Variants in GPR158 observed in about 807,000 individuals in gnomAD.
GPR158 encodes the protein metabotropic glycine receptor.
In GPR158, 30 loss-of-function variants were observed where a neutral mutation model predicts 78.2. That is an observed-to-expected ratio of 0.38 (90% confidence interval 0.29 to 0.52). The LOEUF is 0.52. Among genes scored for constraint, GPR158 ranks in the 20% least tolerant of loss-of-function variants. The pLI, the probability that GPR158 is intolerant of heterozygous loss-of-function variation, is 0.83. For missense variants in GPR158, 1,463 were observed against 1,523.5 expected (o/e 0.96, Z 0.66); for synonymous variants, 581 against 591.1 (o/e 0.98, Z 0.25).
intron 2 of GPR158, among the ~76,000 whole-genome samples, chr10:25,364,552 C>T (rs1295750497): frequency 6.6e-6 from 1 of 151,832 alleles, no homozygotes; most frequent in Non-Finnish European, 1.5e-5. Context: ...CTCTTTAATG[C>T]TAATGCTGAT....
chr10:25,579,631 A>G (rs1588921801), intron 7 of GPR158, among the ~76,000 whole-genome samples: 1 of 152,194 alleles, frequency 6.6e-6, no homozygotes, highest in East Asian at 1.9e-4. Context: ...AAACAACAAG[A>G]CCGCAAAAAA....
intron 2 of GPR158, among the ~76,000 whole-genome samples, chr10:25,246,550 T>A (rs1339668022): frequency 6.6e-6 from 1 of 152,212 alleles, no homozygotes; most frequent in Non-Finnish European, 1.5e-5. Context: ...TAAAAGCTGA[T>A]GAGCTGAGCA....
intron 6 of GPR158, among the ~76,000 whole-genome samples, chr10:25,554,271 C>T (rs1325623225): frequency 2.0e-5 from 3 of 152,146 alleles, no homozygotes; most frequent in African/African-American, 7.2e-5. Context: ...CCATACCTCT[C>T]TAGGCAGAAA....
intron 4 of GPR158, among the ~76,000 whole-genome samples, chr10:25,414,067 ATAATG>A (rs1834628946): frequency 6.6e-6 from 1 of 152,204 alleles, no homozygotes. Context: ...TCTCTCTGAT[ATAATG>A]TAATTAATTT....
intron 7 of GPR158, among the ~76,000 whole-genome samples, chr10:25,582,709 C>T (rs1410791683): frequency 1.3e-5 from 2 of 152,140 alleles, no homozygotes; most frequent in Admixed American, 6.5e-5. Flanking sequence ...ATTGTTACTC[C>T]TGCCTTTTTA....
chr10:25,419,316 A>G (rs1834712966), intron 4 of GPR158, among the ~76,000 whole-genome samples: 1 of 152,178 alleles, frequency 6.6e-6, no homozygotes, highest in African/African-American at 2.4e-5. Flanking sequence ...ATGGTACCAT[A>G]TATTATAACC....
At chr10:25,382,522 C>G (rs558732220) in intron 2 of GPR158, among the ~76,000 whole-genome samples, 1 of 152,198 alleles carries the variant, frequency 6.6e-6, no homozygotes, top group African/African-American at 2.4e-5. Flanking sequence ...TGGGTTCTGA[C>G]AGCTGCTGAA....
chr10:25,451,937 C>G (rs1467734080), intron 4 of GPR158, among the ~76,000 whole-genome samples: 2 of 152,184 alleles, frequency 1.3e-5, no homozygotes, highest in African/African-American at 2.4e-5. Flanking sequence ...GGATATACTT[C>G]TAGGTCCCCG....
At chr10:25,526,972 A>G (rs529975171) in intron 5 of GPR158, among the ~76,000 whole-genome samples, 1 of 152,364 alleles carries the variant, frequency 6.6e-6, no homozygotes, top group African/African-American at 2.4e-5. Flanking sequence ...TACAGTCATA[A>G]GAAAATTGGA....
intron 4 of GPR158, among the ~76,000 whole-genome samples, chr10:25,418,105 G>A (rs1437647188): frequency 3.9e-5 from 6 of 152,094 alleles, no homozygotes; most frequent in African/African-American, 1.4e-4. Flanking sequence ...ATATGTGTAG[G>A]GGTAATAGAG....
At chr10:25,214,602 G>A (rs915009622) in intron 1 of GPR158, among the ~76,000 whole-genome samples, 1 of 151,924 alleles carries the variant, frequency 6.6e-6, no homozygotes. Context: ...TATGAATTGT[G>A]TTCTCCAAAA....
At chr10:25,539,476 A>G (rs1172583664) in intron 5 of GPR158, among the ~76,000 whole-genome samples, 1 of 151,330 alleles carries the variant, frequency 6.6e-6, no homozygotes, top group Non-Finnish European at 1.5e-5. Context: ...GACTTTGGGA[A>G]CTTGTCCTCT....
intron 2 of GPR158, among the ~76,000 whole-genome samples, chr10:25,372,172 TG>T (rs1834004706): frequency 6.6e-6 from 1 of 151,830 alleles, no homozygotes; most frequent in Non-Finnish European, 1.5e-5. Flanking sequence ...CATCTCATAC[TG>T]GTTAGAATGG....
chr10:25,250,771 GA>G (rs1564402197), intron 2 of GPR158, among the ~76,000 whole-genome samples: 1 of 143,456 alleles, frequency 7.0e-6, no homozygotes, highest in African/African-American at 2.7e-5. Context: ...GTGTGGTGCT[GA>G]AAAAAATGTA....
intron 2 of GPR158, among the ~76,000 whole-genome samples, chr10:25,366,553 T>C (rs977556382): frequency 4.6e-5 from 7 of 151,738 alleles, no homozygotes; most frequent in African/African-American, 1.7e-4. Flanking sequence ...CTCACGTATA[T>C]ATCATTTTTG....
At chr10:25,501,267 C>T (rs1478802607) in intron 5 of GPR158, among the ~76,000 whole-genome samples, 1 of 152,128 alleles carries the variant, frequency 6.6e-6, no homozygotes, top group Non-Finnish European at 1.5e-5. Context: ...CAGTCTCACT[C>T]GGGGCATGGC....
At chr10:25,456,928 G>T (rs1029354425) in intron 4 of GPR158, among the ~76,000 whole-genome samples, 5 of 151,702 alleles carry the variant, frequency 3.3e-5, no homozygotes, top group Non-Finnish European at 5.9e-5. Flanking sequence ...TTCATGGGGG[G>T]TCTTTGTTCC....
intron 2 of GPR158, among the ~76,000 whole-genome samples, chr10:25,320,721 T>C (rs1429585985): frequency 2.0e-5 from 3 of 152,260 alleles, no homozygotes; most frequent in African/African-American, 7.2e-5. Context: ...ACTGTCATTT[T>C]TGTATTATTC....
rs1020487551 is a variant in GPR158 at position 25,527,738 on chromosome 10, T to C, written c.1405-23238T>C. ...AAGAATCTACTTGAAATCAGACATA[T>C]AATAGAGAAACCCAAAAGCTGTTAT... On this transcript the variant is annotated intron_variant, in intron 5 of 10. Transcript: ENST00000376351. Among the ~76,000 whole-genome samples the C allele has an allele frequency of 1.1e-3, 171 of 152,058 alleles. 1 individual carries two copies. Among genetic ancestry groups the C allele is most frequent in the African/African-American group, 4.0e-3 (166 of 41,510 alleles).
Sources: allele counts gnomAD v4.1 joint callset (sites outside exome capture counted in the v4.1 genomes callset), GRCh38; gene constraint gnomAD v4.1.1; transcripts MANE v1.5; gene names NCBI Gene and HGNC (gene_info 2026-07-23, HGNC 2026-07-21).